The following KLHL7 variants were observed in gnomAD, a reference collection of about 807,000 sequenced individuals.
The protein encoded by KLHL7 is kelch like family member 7.
KLHL7 carries 44 observed loss-of-function variants against 67.4 expected under a neutral mutation model. The observed-to-expected ratio is 0.65, with a 90% CI of 0.51 to 0.84. The LOEUF is 0.84. Ranked by LOEUF, KLHL7 falls within the 40% of genes least tolerant of loss-of-function variation. KLHL7 has a pLI of 0.00. For synonymous variants in KLHL7, 252 were observed against 243.3 expected, an observed-to-expected ratio of 1.04 and a Z score of -0.33; for missense variants, 362 against 718.1, an observed-to-expected ratio of 0.50 and a Z score of 5.67.
In KLHL7 at chr7:23,173,088, G is replaced by A. The variant is rs1785211739; in HGVS notation, c.1477+43G>A. ...ACTGTTCCACTTTCCTGATGAGTTT[G>A]CTGATACTTCCTTAAATTATTGAAG... On this transcript the variant is annotated intron_variant, in intron 10 of 10. Coordinates refer to ENST00000339077, the MANE Select transcript of KLHL7 (RefSeq NM_001031710.3). 4 of 1,347,052 alleles carry A rather than the reference G, an allele frequency of 3.0e-6. No individual in the cohort carries two copies. In the East Asian group the frequency reaches 9.2e-5, roughly 31 times the overall value. The allele number at this position is 1,347,052 out of a possible 1,614,324, so 83.4% of individuals were successfully genotyped here.
At chr7:23,170,461 A>G (rs1035123282) in intron 9 of KLHL7, among the ~76,000 whole-genome samples, 3 of 152,230 alleles carry the variant, frequency 2.0e-5, no homozygotes, top group African/African-American at 7.2e-5. Flanking sequence ...TTGGTTAACA[A>G]GTACAGAAAT....
At chr7:23,106,191 G>A (rs1782628248) in intron 1 of KLHL7, 45 bp downstream of exon 1, 2 of 1,597,366 alleles carry the variant, frequency 1.3e-6, no homozygotes, top group African/African-American at 1.3e-5. Context: ...GAGGTGGTCC[G>A]GGGCTCGGGC....
chr7:23,169,970 G>T (rs1785107630), intron 9 of KLHL7, among the ~76,000 whole-genome samples: 1 of 152,180 alleles, frequency 6.6e-6, no homozygotes, highest in South Asian at 2.1e-4. Flanking sequence ...AGCACTTTGG[G>T]AGGCCGAGGC....
At chr7:23,161,594 C>G (rs1391694801) in intron 7 of KLHL7, among the ~76,000 whole-genome samples, 2 of 152,216 alleles carry the variant, frequency 1.3e-5, no homozygotes, top group Non-Finnish European at 2.9e-5. Flanking sequence ...GCCTGGCCCT[C>G]AACCCCAGGA....
chr7:23,151,968 G>C (rs1278241202), intron 6 of KLHL7, 99 bp from the exon 7 acceptor site: 3 of 1,121,124 alleles, frequency 2.7e-6, no homozygotes, highest in Admixed American at 3.6e-5. Flanking sequence ...ATAAAAGTAA[G>C]TTACTGAAAT....
At chr7:23,124,628 G>T (rs1290222150) in intron 2 of KLHL7, 60 bp from the exon 3 acceptor site, 7 of 995,716 alleles carry the variant, frequency 7.0e-6, no homozygotes, top group Non-Finnish European at 1.1e-5. Flanking sequence ...GAATGCCGTG[G>T]TTCCTCAGTC....
intron 6 of KLHL7, among the ~76,000 whole-genome samples, chr7:23,150,120 C>T (rs1358442): frequency 0.44 from 66,626 of 151,772 alleles, 16,523 homozygotes; most frequent in African/African-American, 0.68. Context: ...ATGGCACCAC[C>T]GCACTCCAGC....
At chr7:23,129,309 G>A (rs1783706527) in intron 4 of KLHL7, 1 of 300,454 alleles carries the variant, frequency 3.3e-6, no homozygotes, top group Non-Finnish European at 6.5e-6. Flanking sequence ...ACTGCTCCAG[G>A]ACAACATGCT....
intron 1 of KLHL7, 158 bp downstream of exon 1, chr7:23,106,304 T>A (rs1441377120): frequency 2.7e-6 from 4 of 1,494,732 alleles, no homozygotes; most frequent in African/African-American, 1.4e-5. Flanking sequence ...CCGCAGTTGG[T>A]AGAGGGGCGC....
rs1241700143 is a variant in KLHL7 at position 23,177,802 on chromosome 7, G to C, written c.*3504G>C. ...ATACTTGTGACTTTGTGGTCCAGCTGGCAAAAACTTGACATATCATCCCAT... is the reference window on the plus strand; with the variant it reads ...ATACTTGTGACTTTGTGGTCCAGCTCGCAAAAACTTGACATATCATCCCAT... On this transcript the variant is annotated 3_prime_UTR_variant, in exon 11 of 11. Coordinates refer to ENST00000339077, the MANE Select transcript of KLHL7 (RefSeq NM_001031710.3). 2 of 151,876 alleles carry C rather than the reference G, an allele frequency of 1.3e-5. No homozygotes were observed. Among genetic ancestry groups the C allele is most frequent in the Non-Finnish European group, 2.9e-5 (2 of 67,962 alleles). 9.4% of individuals were successfully genotyped at this position (151,876 alleles called of 1,614,324 possible). A position where few individuals can be genotyped will look rare whatever the true frequency, so the allele number is the denominator to read the frequency against.
At chr7:23,142,797 G>A (rs1784231247) in intron 5 of KLHL7, among the ~76,000 whole-genome samples, 1 of 152,146 alleles carries the variant, frequency 6.6e-6, no homozygotes, top group Admixed American at 6.5e-5. Context: ...AACTGTCACA[G>A]TCTAGAAGAT....
chr7:23,147,487 G>A (rs957414828), intron 6 of KLHL7, among the ~76,000 whole-genome samples: 20 of 152,240 alleles, frequency 1.3e-4, no homozygotes, highest in South Asian at 6.2e-4. Context: ...TTTATGTTTG[G>A]TAATGTCAGT....
At chr7:23,153,977 A>C (rs1484470418) in intron 7 of KLHL7, among the ~76,000 whole-genome samples, 1 of 152,232 alleles carries the variant, frequency 6.6e-6, no homozygotes, top group Non-Finnish European at 1.5e-5. Flanking sequence ...TCAGCTTTGC[A>C]TGCCATTCAT....
At chr7:23,152,276 C>A in intron 7 of KLHL7, 67 bp downstream of exon 7, 3 of 1,429,332 alleles carry the variant, frequency 2.1e-6, no homozygotes, top group Non-Finnish European at 3.0e-6. Context: ...AGACACTCAC[C>A]AACTAGAAGT....
intron 1 of KLHL7, among the ~76,000 whole-genome samples, chr7:23,114,756 GGC>G (rs1327364135): frequency 4.6e-5 from 7 of 152,142 alleles, no homozygotes; most frequent in African/African-American, 1.7e-4. Flanking sequence ...ATTAACACCA[GGC>G]CTTGAGATAC....
intron 2 of KLHL7, among the ~76,000 whole-genome samples, chr7:23,124,177 C>A (rs1237410919): frequency 1.9e-5 from 2 of 103,828 alleles, no homozygotes; most frequent in East Asian, 5.6e-4. Context: ...GGCGTCAGAG[C>A]GAGACTCTGT....
Position 23,136,997 on chromosome 7 carries a change from A to G in KLHL7, c.443-3772A>G, listed in dbSNP as rs931136365. 2.0e-5 allele frequency among the ~76,000 whole-genome samples: 3 copies of G among 152,314 alleles called. No homozygotes were observed. In the East Asian group the frequency reaches 5.8e-4, roughly 29 times the overall value. Reference sequence around the variant, plus strand: ...GTATAAAAAATATGATTTAAAATATAGATTAGGCCAGGTGCAGTGTCTCAC... The same window carrying G: ...GTATAAAAAATATGATTTAAAATATGGATTAGGCCAGGTGCAGTGTCTCAC... On this transcript the variant is annotated intron_variant, in intron 4 of 10. Transcript: ENST00000339077.
intron 1 of KLHL7, among the ~76,000 whole-genome samples, chr7:23,114,667 T>G (rs1783012994): frequency 6.6e-6 from 1 of 152,210 alleles, no homozygotes; most frequent in South Asian, 2.1e-4. Context: ...ATAACTGTTC[T>G]TTTTTGTATC....
intron 1 of KLHL7, among the ~76,000 whole-genome samples, chr7:23,107,637 C>G (rs952741073): frequency 1.6e-4 from 25 of 152,202 alleles, no homozygotes; most frequent in African/African-American, 6.0e-4. Flanking sequence ...AGTATATTAA[C>G]ATCACTTATT....
Sources: allele counts gnomAD v4.1 joint callset (sites outside exome capture counted in the v4.1 genomes callset), GRCh38; gene constraint gnomAD v4.1.1; transcripts MANE v1.5; gene names NCBI Gene and HGNC (gene_info 2026-07-23, HGNC 2026-07-21).